IMPG2: variants seen among roughly 807,000 people sequenced by gnomAD.
IMPG2 encodes the protein interphotoreceptor matrix proteoglycan 2.
In IMPG2, 91 loss-of-function variants were observed where a neutral mutation model predicts 129.2. The ratio of observed to expected loss-of-function variants is 0.70; its 90% CI spans 0.59 to 0.84. IMPG2 has a LOEUF of 0.84. Ranked by LOEUF, IMPG2 falls within the 40% of genes least tolerant of loss-of-function variation. IMPG2 has a pLI of 0.00. For synonymous variants in IMPG2, 510 were observed against 517.7 expected, an observed-to-expected ratio of 0.99 and a Z score of 0.20; for missense variants, 1,430 against 1,461.7, an observed-to-expected ratio of 0.98 and a Z score of 0.35.
intron 2 of IMPG2, 72 bp downstream of exon 2, chr3:101,319,512 A>G: frequency 6.4e-7 from 1 of 1,570,006 alleles, no homozygotes; most frequent in East Asian, 2.2e-5. Flanking sequence ...TTGATTTACA[A>G]TGTTACCTAA....
intron 3 of IMPG2, among the ~76,000 whole-genome samples, chr3:101,293,518 A>T (rs1463690929): frequency 6.6e-6 from 1 of 152,212 alleles, no homozygotes; most frequent in Non-Finnish European, 1.5e-5. Flanking sequence ...GAGTAGATTT[A>T]GCAAATTTCT....
chr3:101,228,172 GA>G (rs1462201634), intron 18 of IMPG2, among the ~76,000 whole-genome samples: 1 of 152,026 alleles, frequency 6.6e-6, no homozygotes, highest in African/African-American at 2.4e-5. Flanking sequence ...TGGGAACAAA[GA>G]AAAAAAGTAC....
At chr3:101,240,484 A>G (rs1706394968) in intron 14 of IMPG2, among the ~76,000 whole-genome samples, 1 of 152,208 alleles carries the variant, frequency 6.6e-6, no homozygotes, top group Admixed American at 6.5e-5. Context: ...AACTGTTTGC[A>G]TTTGTATAGT....
rs141476614 is a variant in IMPG2, at chr3:101,271,920, G to A, written c.828+1661C>T. Among the ~76,000 whole-genome samples, 1,495 of 152,214 alleles carry A rather than the reference G, an allele frequency of 9.8e-3. 28 individuals are homozygous for A. Among genetic ancestry groups the A allele is most frequent in the African/African-American group, 0.034 (1,414 of 41,556 alleles). ...ATGCTTGAATACATGACTGCTGTGA[G>A]CAAACAAATAGAAAGTCGCCTGTGG... On this transcript the variant is annotated intron_variant, in intron 7 of 18. Coordinates refer to ENST00000193391, the MANE Select transcript of IMPG2 (RefSeq NM_016247.4).
chr3:101,257,423 A>T, intron 10 of IMPG2, 106 bp downstream of exon 10: 1 of 1,373,484 alleles, frequency 7.3e-7, no homozygotes, highest in Non-Finnish European at 1.0e-6. Flanking sequence ...TGTCTCATAA[A>T]GTCTAGAGAA....
chr3:101,308,774 T>C (rs1302646488), intron 2 of IMPG2, among the ~76,000 whole-genome samples: 1 of 152,266 alleles, frequency 6.6e-6, no homozygotes, highest in East Asian at 1.9e-4. Flanking sequence ...TTTTCTTTTC[T>C]ATCACATTGT....
chr3:101,274,451 A>G (rs957605117), intron 6 of IMPG2, among the ~76,000 whole-genome samples: 1 of 152,192 alleles, frequency 6.6e-6, no homozygotes, highest in Non-Finnish European at 1.5e-5. Context: ...CATTATAATT[A>G]TAGGATAAAT....
chr3:101,246,126 AATCATATCATAGATAAAAG>A, intron 11 of IMPG2, 21 bp from the exon 12 acceptor site: 2 of 1,611,262 alleles, frequency 1.2e-6, no homozygotes, highest in Non-Finnish European at 1.7e-6. Flanking sequence ...AAAAAGGCTA[AATCATATCATAGATAAAAG>A]AAACATATAA....
chr3:101,227,438 CAT>C (rs1706237042), intron 18 of IMPG2, among the ~76,000 whole-genome samples: 1 of 152,208 alleles, frequency 6.6e-6, no homozygotes, highest in African/African-American at 2.4e-5. Flanking sequence ...GAAACAGAAA[CAT>C]GTAGTCAATC....
At chr3:101,281,093 A>G (rs1054711689) in intron 4 of IMPG2, among the ~76,000 whole-genome samples, 1 of 152,220 alleles carries the variant, frequency 6.6e-6, no homozygotes, top group African/African-American at 2.4e-5. Context: ...GAGACCTGAT[A>G]ATAGACTTGG....
intron 4 of IMPG2, among the ~76,000 whole-genome samples, chr3:101,282,836 G>T (rs577304743): frequency 6.6e-6 from 1 of 152,256 alleles, no homozygotes; most frequent in South Asian, 2.1e-4. Context: ...ACAACTTTCT[G>T]TCCTTCTTCA....
rs1706208826 is a variant in IMPG2, at chr3:101,225,320, T to C, written c.*1649A>G. ...TACTGAACTGTTAGAGGATCCATTA[T>C]GTGAGTAGGGAATGAAAGGAAATGC... On this transcript the variant is annotated 3_prime_UTR_variant, in exon 19 of 19. Coordinates refer to ENST00000193391, the MANE Select transcript of IMPG2 (RefSeq NM_016247.4). 6.6e-6 allele frequency: 1 copy of C among 152,260 alleles called. No individual in the cohort carries two copies. The highest frequency in any genetic ancestry group is 1.5e-5 in the Non-Finnish European group (1 of 68,054). The allele number at this position is 152,260 out of a possible 1,614,324, so 9.4% of individuals were successfully genotyped here.
At chr3:101,315,655 T>C (rs1051882036) in intron 2 of IMPG2, among the ~76,000 whole-genome samples, 7 of 152,092 alleles carry the variant, frequency 4.6e-5, no homozygotes, top group African/African-American at 1.4e-4. Context: ...CCCACAACAC[T>C]TCTGGTCCCA....
rs775187643 is a variant in IMPG2 at position 101,246,114 on chromosome 3, A to G, written c.1240-9T>C. The G allele has an allele frequency of 1.8e-5, 29 of 1,602,894 alleles. No individual in the cohort carries two copies. The highest frequency in any genetic ancestry group is 6.7e-5 in the African/African-American group (5 of 74,590). ...GCTTGAAAGGTATTATCCTGGGGGG[A>G]AAAAAAGGCTAAATCATATCATAGA... On this transcript the variant is annotated splice_polypyrimidine_tract_variant and intron_variant, in intron 11 of 18. Transcript: ENST00000193391.
chr3:101,251,471 C>A (rs1311537106), intron 11 of IMPG2, among the ~76,000 whole-genome samples: 1 of 152,066 alleles, frequency 6.6e-6, no homozygotes, highest in African/African-American at 2.4e-5. Flanking sequence ...CAGGAATAGC[C>A]CTTCATTAAT....
chr3:101,272,757 T>A (rs955127531), intron 7 of IMPG2, among the ~76,000 whole-genome samples: 1 of 152,196 alleles, frequency 6.6e-6, no homozygotes, highest in Non-Finnish European at 1.5e-5. Flanking sequence ...GAGATGCACA[T>A]TTTTATTTCT....
rs780704825 is a variant in IMPG2 at position 101,244,664 on chromosome 3, G to C, written c.1667C>G (p.Thr556Arg). 1 of 1,614,088 alleles carries C rather than the reference G, an allele frequency of 6.2e-7. No individual in the cohort carries two copies. The highest frequency in any genetic ancestry group is 8.5e-7 in the Non-Finnish European group (1 of 1,179,972). The change falls in exon 13 of 19, where the codon ACA becomes AGA. Residue 556 changes from threonine (T) to arginine (R), a missense_variant. By Grantham distance (71) the Thr-to-Arg change is moderately conservative. Transcript: ENST00000193391. The stretch of plus-strand genomic sequence containing the variant: ...AGAAGAGGTCAGATATGGTGAAGAT[G>C]TTAAGGACACATCAGAGTCTTCCAT... ...PSMEDSDVSLTSSPYLTSSIP... is the reference protein window; with the variant it reads ...PSMEDSDVSLRSSPYLTSSIP...
At chr3:101,230,102 G>T (rs1185600824) in intron 16 of IMPG2, among the ~76,000 whole-genome samples, 1 of 152,150 alleles carries the variant, frequency 6.6e-6, no homozygotes, top group Non-Finnish European at 1.5e-5. Context: ...TTTTATCTCT[G>T]CCCTGGATGA....
intron 3 of IMPG2, among the ~76,000 whole-genome samples, chr3:101,291,831 T>C (rs575942376): frequency 2.0e-5 from 3 of 152,308 alleles, no homozygotes; most frequent in South Asian, 2.1e-4. Flanking sequence ...TACATAAACC[T>C]GCCATGGATT....
Sources: allele counts gnomAD v4.1 joint callset (sites outside exome capture counted in the v4.1 genomes callset), GRCh38; gene constraint gnomAD v4.1.1; transcripts MANE v1.5; gene names NCBI Gene and HGNC (gene_info 2026-07-23, HGNC 2026-07-21).